Variants in BNC1 observed in about 807,000 individuals in gnomAD.
The protein encoded by BNC1 is basonuclin zinc finger protein 1.
In BNC1, 8 loss-of-function variants were observed where a neutral mutation model predicts 66.5. That is an observed-to-expected ratio of 0.12 (90% confidence interval 0.07 to 0.22). BNC1 has a LOEUF of 0.22. BNC1 is among the 10% of genes least tolerant of loss of function. The probability of loss-of-function intolerance (pLI) is 1.00; values close to 1 mark genes in which losing one functional copy is unlikely to be tolerated. For synonymous variants in BNC1, 454 were observed against 452.6 expected (o/e 1.00, Z -0.04); for missense variants, 1,069 against 1,241.3 (o/e 0.86, Z 2.09).
intron 1 of BNC1, among the ~76,000 whole-genome samples, chr15:83,274,211 C>T (rs1327790414): frequency 2.6e-5 from 4 of 152,080 alleles, no homozygotes; most frequent in Admixed American, 6.5e-5. Flanking sequence ...GGCAAAACCC[C>T]GTCTCTACTA....
chr15:83,281,834 T>A (rs1188839997), intron 1 of BNC1, among the ~76,000 whole-genome samples: 1 of 152,250 alleles, frequency 6.6e-6, no homozygotes, highest in East Asian at 1.9e-4. Flanking sequence ...CTTTTCTCTC[T>A]CATCTATCGG....
At chr15:83,281,407 C>T (rs1030606119) in intron 1 of BNC1, among the ~76,000 whole-genome samples, 3 of 152,156 alleles carry the variant, frequency 2.0e-5, no homozygotes, top group African/African-American at 7.2e-5. Flanking sequence ...AAAGTACCAA[C>T]TCCCTAAAAT....
At chr15:83,283,306 C>G in intron 1 of BNC1, 1 of 1,497,008 alleles carries the variant, frequency 6.7e-7, no homozygotes, top group Non-Finnish European at 8.9e-7. Context: ...TGACAAATCC[C>G]GAGGAACTCC....
At chr15:83,272,787 T>G (rs1235228722) in intron 1 of BNC1, among the ~76,000 whole-genome samples, 2 of 152,186 alleles carry the variant, frequency 1.3e-5, no homozygotes, top group Non-Finnish European at 2.9e-5. Flanking sequence ...TTTTTGCATC[T>G]CGTCACCTAG....
intron 1 of BNC1, among the ~76,000 whole-genome samples, chr15:83,282,403 TA>T (rs2038388168): frequency 6.6e-6 from 1 of 152,258 alleles, no homozygotes; most frequent in East Asian, 1.9e-4. Context: ...AGTTATTTCT[TA>T]AAATTCATCA....
At chr15:83,274,987 A>G (rs1272412128) in intron 1 of BNC1, among the ~76,000 whole-genome samples, 1 of 152,222 alleles carries the variant, frequency 6.6e-6, no homozygotes, top group East Asian at 1.9e-4. Context: ...CACATTCTGC[A>G]GATGGGGACA....
Position 83,263,368 on chromosome 15 carries a change from G to A in BNC1, c.1883C>T (p.Ala628Val). Residue 628 changes from alanine (A) to valine (V), a missense_variant, in exon 4 of 5, where the codon GCC (alanine) becomes GTC (valine). Physicochemically the swap from Ala to Val is moderately conservative, Grantham distance 64 (BLOSUM62 0). This residue lies in a region of BNC1 where 657 missense variants were observed against 715.8 expected (regional missense o/e 0.92). Coordinates refer to ENST00000345382, the MANE Select transcript of BNC1 (RefSeq NM_001717.4). The stretch of plus-strand genomic sequence containing the variant: ...AGTCTCCCTCTCTGAATTGTGTGTG[G>A]CCTGCTCAGGGGTTTGGCTGATGGC... ...SGAISQTPEQ[A>V]THNSERETEQ... is the part of the protein sequence containing the mutation. 1 of 1,614,204 alleles carries A rather than the reference G, an allele frequency of 6.2e-7. No homozygotes were observed. Among genetic ancestry groups the A allele is most frequent in the Non-Finnish European group, 8.5e-7 (1 of 1,180,036 alleles).
At chr15:83,283,564 G>T (rs944136241) in intron 1 of BNC1, 206 of 962,626 alleles carry the variant, frequency 2.1e-4, no homozygotes, top group Non-Finnish European at 2.4e-4. Context: ...TCCCGTCCCG[G>T]CGCTTCCCAT....
chr15:83,261,953 G>A (rs927073332), intron 4 of BNC1, among the ~76,000 whole-genome samples: 6 of 151,784 alleles, frequency 4.0e-5, no homozygotes, highest in African/African-American at 7.2e-5. Context: ...GTTTTGGGAC[G>A]CTATAGTGGC....
rs1300970911 is a variant in BNC1, at chr15:83,257,644, A to G, written c.2783T>C (p.Ile928Thr). The part of the protein sequence containing the change: ...SLASLPSGLP[I>T]TCHLCQKTYS... ...TGTCTTTTGGCAGAGATGACAGGTT[A>G]TGGGCAACCCAGAAGGCAGGCTAGC... Residue 928 changes from isoleucine to threonine, a missense_variant, in exon 5 of 5, where the codon ATA (isoleucine) becomes ACA (threonine). This residue lies in a region of BNC1 where 657 missense variants were observed against 715.8 expected (regional missense o/e 0.92). Transcript: ENST00000345382. 3.1e-6 allele frequency: 5 copies of G among 1,613,986 alleles called. No homozygotes were observed. In the African/African-American group the frequency reaches 6.7e-5, roughly 22 times the overall value.
rs1409638376 is a variant in BNC1, at chr15:83,268,181, T to C, written c.151A>G (p.Ile51Val). 1 of 1,614,180 alleles carries C rather than the reference T, an allele frequency of 6.2e-7. No homozygotes were observed. Among genetic ancestry groups the C allele is most frequent in the Non-Finnish European group, 8.5e-7 (1 of 1,180,024 alleles). ...CATTGGTCACACTGACGGTGGTTTATTTTCCCGGGTTTGAAACTTTGGCAA... is the reference window on the plus strand; with the variant it reads ...CATTGGTCACACTGACGGTGGTTTACTTTCCCGGGTTTGAAACTTTGGCAA... ...CSCQSFKPGK[I>V]NHRQCDQCKH... Residue 51 changes from isoleucine to valine, a missense_variant, in exon 2 of 5, where the codon ATA becomes GTA. Transcript: ENST00000345382.
intron 4 of BNC1, among the ~76,000 whole-genome samples, chr15:83,259,329 G>C (rs986322671): frequency 2.6e-5 from 4 of 152,168 alleles, no homozygotes; most frequent in African/African-American, 4.8e-5. Context: ...ATACATATCA[G>C]AATGTATGGC....
chr15:83,283,274 C>T (rs1272851127), intron 1 of BNC1: 1 of 1,531,754 alleles, frequency 6.5e-7, no homozygotes, highest in Non-Finnish European at 8.7e-7. Flanking sequence ...ACTCGCCTCG[C>T]CACAATCTTG....
chr15:83,262,852 C>A (rs2038159611), intron 4 of BNC1, 99 bp downstream of exon 4: 1 of 1,288,022 alleles, frequency 7.8e-7, no homozygotes, highest in Non-Finnish European at 1.0e-6. Flanking sequence ...GGGTGGGGCT[C>A]AGAAGTCTGT....
At chr15:83,259,223 C>A (rs1007016489) in intron 4 of BNC1, among the ~76,000 whole-genome samples, 7 of 152,088 alleles carry the variant, frequency 4.6e-5, no homozygotes, top group African/African-American at 1.7e-4. Flanking sequence ...CTCAGAAATC[C>A]TCTGCTAACT....
intron 1 of BNC1, among the ~76,000 whole-genome samples, chr15:83,274,482 T>C (rs899844960): frequency 2.6e-5 from 4 of 152,186 alleles, no homozygotes; most frequent in Non-Finnish European, 5.9e-5. Flanking sequence ...GGCTACTCTA[T>C]TGGACAGTGG....
rs1290887322 is a variant in BNC1, at chr15:83,256,187, AAGAT to A, written c.*1251_*1254del. 6.6e-6 allele frequency: 1 copy of A among 152,536 alleles called. No individual in the cohort carries two copies. Among genetic ancestry groups the A allele is most frequent in the East Asian group, 1.9e-4 (1 of 5,198 alleles). 9.4% of individuals were successfully genotyped at this position (152,536 alleles called of 1,614,324 possible). On this transcript the variant is annotated 3_prime_UTR_variant, in exon 5 of 5. Transcript: ENST00000345382. ...TTACTTACATCAACCACGAATTTAA[AAGAT>A]AGTTAACTTGAATTCTGAATACAAA...
In BNC1 at chr15:83,256,171, T is replaced by C. The variant is rs2038071254; in HGVS notation, c.*1271A>G. The C allele has an allele frequency of 6.6e-6, 1 of 152,538 alleles. No homozygotes were observed. Among genetic ancestry groups the C allele is most frequent in the Non-Finnish European group, 1.5e-5 (1 of 68,046 alleles). 9.4% of individuals were successfully genotyped at this position (152,538 alleles called of 1,614,324 possible). A position where few individuals can be genotyped will look rare whatever the true frequency, so the allele number is the denominator to read the frequency against. The stretch of plus-strand genomic sequence containing the variant: ...TTAAGAATGTTTTTTATTACTTACA[T>C]CAACCACGAATTTAAAAGATAGTTA... On this transcript the variant is annotated 3_prime_UTR_variant, in exon 5 of 5. Transcript: ENST00000345382.
At chr15:83,261,799 A>G (rs1178109594) in intron 4 of BNC1, among the ~76,000 whole-genome samples, 1 of 152,220 alleles carries the variant, frequency 6.6e-6, no homozygotes, top group African/African-American at 2.4e-5. Context: ...CAACCTGCCA[A>G]TCACCTTTAT....
Sources: gnomAD v4.1 joint callset for allele counts (sites outside exome capture counted in the v4.1 genomes callset) on GRCh38, gnomAD v4.1.1 for gene constraint, gnomAD v4.1.1 regional missense constraint, MANE v1.5 for transcripts, NCBI Gene and HGNC (gene_info 2026-07-23, HGNC 2026-07-21) for gene names.